Variants in PTPRG observed in about 807,000 individuals in gnomAD.
PTPRG encodes protein tyrosine phosphatase receptor type G.
PTPRG carries 102 observed loss-of-function variants against 165.3 expected under a neutral mutation model. The ratio of observed to expected loss-of-function variants is 0.62; its 90% CI spans 0.53 to 0.73. PTPRG has a LOEUF of 0.73. Among genes scored for constraint, PTPRG ranks in the 30% least tolerant of loss-of-function variants. The probability of loss-of-function intolerance (pLI) is 0.00; values close to 1 mark genes in which losing one functional copy is unlikely to be tolerated. For missense variants in PTPRG, 1,866 were observed against 1,861.4 expected (o/e 1.00, Z -0.05); for synonymous variants, 675 against 669.5 (o/e 1.01, Z -0.13).
rs190635079 is a variant in PTPRG at position 62,022,277 on chromosome 3, A to C, written c.519+18780A>C. ...GAACCCACTATTATTTGTCTTAACT[A>C]ATTTCAACATGTGAGAAGTCTTCCA... On this transcript the variant is annotated intron_variant, in intron 4 of 29. Coordinates refer to ENST00000474889, the MANE Select transcript of PTPRG (RefSeq NM_002841.4). Among the ~76,000 whole-genome samples, 249 of 152,340 alleles carry C rather than the reference A, an allele frequency of 1.6e-3. 1 individual carries two copies. Among genetic ancestry groups the C allele is most frequent in the Non-Finnish European group, 2.6e-3 (179 of 68,034 alleles).
At chr3:61,948,668 G>A (rs954382912) in intron 2 of PTPRG, among the ~76,000 whole-genome samples, 1 of 152,130 alleles carries the variant, frequency 6.6e-6, no homozygotes, top group Admixed American at 6.5e-5. Flanking sequence ...GGGAGGGATG[G>A]AGAGAGGTTT....
intron 4 of PTPRG, among the ~76,000 whole-genome samples, chr3:62,020,009 A>G (rs921942658): frequency 1.3e-5 from 2 of 152,188 alleles, no homozygotes; most frequent in African/African-American, 4.8e-5. Flanking sequence ...CTTGATAGAA[A>G]TAATTTTAGG....
At position 61,974,461 on chromosome 3, in the gene PTPRG, G is replaced by A. The variant is rs140952149; in HGVS notation, c.191-15164G>A. Among the ~76,000 whole-genome samples, 545 of 152,130 alleles carry A rather than the reference G, an allele frequency of 3.6e-3. 2 individuals carry two copies. Among genetic ancestry groups the A allele is most frequent in the African/African-American group, 0.013 (524 of 41,514 alleles). On this transcript the variant is annotated intron_variant, in intron 2 of 29. Coordinates refer to ENST00000474889, the MANE Select transcript of PTPRG (RefSeq NM_002841.4). ...CCAGCTACTCGGGAGGCTGAGGCAG[G>A]AGAATCACTGGAACCCAGAAGGCAG...
intron 1 of PTPRG, among the ~76,000 whole-genome samples, chr3:61,670,734 G>T (rs1053411354): frequency 2.6e-5 from 4 of 152,172 alleles, no homozygotes; most frequent in African/African-American, 9.7e-5. Context: ...TAGACTGGGC[G>T]CGAGTTTTCA....
At position 61,780,587 on chromosome 3, in the gene PTPRG, G is replaced by T. The variant is rs555937882; in HGVS notation, c.190+31605G>T. Among the ~76,000 whole-genome samples, 18 of 152,260 alleles carry T rather than the reference G, an allele frequency of 1.2e-4. 1 individual carries two copies. In the South Asian group the frequency reaches 3.7e-3, roughly 32 times the overall value. On this transcript the variant is annotated intron_variant, in intron 2 of 29. Coordinates refer to ENST00000474889, the MANE Select transcript of PTPRG (RefSeq NM_002841.4). Reference sequence around the variant, plus strand: ...AGTGCACACATTCTGAATTGAAACAGTAAAGTCAGGCAGTTGGGCAACAGG... The same window carrying T: ...AGTGCACACATTCTGAATTGAAACATTAAAGTCAGGCAGTTGGGCAACAGG...
chr3:61,812,166 A>C (rs1366141773), intron 2 of PTPRG, among the ~76,000 whole-genome samples: 1 of 152,076 alleles, frequency 6.6e-6, no homozygotes, highest in East Asian at 1.9e-4. Context: ...GCAAATAACA[A>C]GTTTTCTGGC....
rs918773685 is a variant in PTPRG, at chr3:62,214,706, C to T, written c.2156-4145C>T. Among the ~76,000 whole-genome samples the T allele has an allele frequency of 5.9e-5, 9 of 152,294 alleles. No individual in the cohort carries two copies. The highest frequency in any genetic ancestry group is 1.9e-4 in the African/African-American group (8 of 41,576). On this transcript the variant is annotated intron_variant, in intron 12 of 29. Transcript: ENST00000474889. The surrounding 1 kb of genome is among the most constrained non-coding windows in gnomAD (Gnocchi z 5.2). ...TGTCATTTGCTTGATGCCAGGCACACTTCTAGGTGCTTACATGCACCTTCT... is the reference window on the plus strand; with the variant it reads ...TGTCATTTGCTTGATGCCAGGCACATTTCTAGGTGCTTACATGCACCTTCT...
intron 5 of PTPRG, among the ~76,000 whole-genome samples, chr3:62,131,724 C>G (rs1703521651): frequency 6.6e-6 from 1 of 151,844 alleles, no homozygotes; most frequent in Non-Finnish European, 1.5e-5. Flanking sequence ...GTATAATGAC[C>G]CATCCTATAC....
chr3:61,684,683 A>G (rs1703564510), intron 1 of PTPRG, among the ~76,000 whole-genome samples: 1 of 152,236 alleles, frequency 6.6e-6, no homozygotes, highest in Non-Finnish European at 1.5e-5. Flanking sequence ...TTGGGAGCCA[A>G]AACTGGACCA....
chr3:62,068,703 AG>A (rs1325856421), intron 4 of PTPRG, among the ~76,000 whole-genome samples: 2 of 152,150 alleles, frequency 1.3e-5, no homozygotes, highest in East Asian at 3.9e-4. Flanking sequence ...TATGTTTCTC[AG>A]GCTGGTCTCA....
At chr3:61,782,089 T>C (rs1321754021) in intron 2 of PTPRG, among the ~76,000 whole-genome samples, 1 of 152,142 alleles carries the variant, frequency 6.6e-6, no homozygotes, top group African/African-American at 2.4e-5. Context: ...AATCCCCAGA[T>C]CTAAGTGGAG....
chr3:62,040,090 G>C (rs898200580), intron 4 of PTPRG, among the ~76,000 whole-genome samples: 43 of 152,166 alleles, frequency 2.8e-4, no homozygotes, highest in African/African-American at 1.0e-3. Context: ...TGCTTTTATA[G>C]CTGCGTCCTG....
intron 1 of PTPRG, among the ~76,000 whole-genome samples, chr3:61,704,453 T>C (rs1362066410): frequency 3.3e-5 from 5 of 152,130 alleles, no homozygotes; most frequent in African/African-American, 1.2e-4. Context: ...TGGATGACCC[T>C]CTTCTTTGAA....
intron 1 of PTPRG, among the ~76,000 whole-genome samples, chr3:61,669,191 TA>T (rs1047237168): frequency 2.6e-5 from 4 of 152,154 alleles, no homozygotes; most frequent in Non-Finnish European, 5.9e-5. Context: ...TGTAGTTAAA[TA>T]AAAAGTATGA....
intron 1 of PTPRG, among the ~76,000 whole-genome samples, chr3:61,638,904 G>A (rs530532819): frequency 6.6e-6 from 1 of 152,172 alleles, no homozygotes; most frequent in East Asian, 1.9e-4. Flanking sequence ...GCTGTGCAGA[G>A]CCCTTTAGTT....
rs567221910 is a variant in PTPRG at position 61,838,457 on chromosome 3, T to G, written c.190+89475T>G. On this transcript the variant is annotated intron_variant, in intron 2 of 29. Coordinates refer to ENST00000474889, the MANE Select transcript of PTPRG (RefSeq NM_002841.4). ...CTGAAGTTTCATCATACCTTCAAGTTTTTCATGTGTGTGAATGGACAGAGT... is the reference window on the plus strand; with the variant it reads ...CTGAAGTTTCATCATACCTTCAAGTGTTTCATGTGTGTGAATGGACAGAGT... Among the ~76,000 whole-genome samples the G allele has an allele frequency of 3.3e-5, 5 of 152,298 alleles. No individual in the cohort carries two copies. The South Asian group carries it at 8.3e-4, about 25-fold the overall frequency.
intron 14 of PTPRG, among the ~76,000 whole-genome samples, chr3:62,234,718 A>C (rs944402882): frequency 1.6e-4 from 25 of 152,176 alleles, no homozygotes; most frequent in Admixed American, 1.6e-3. Flanking sequence ...TTCCCAATTC[A>C]TAGTTTACTT....
intron 5 of PTPRG, among the ~76,000 whole-genome samples, chr3:62,082,949 T>G (rs920458815): frequency 6.6e-6 from 1 of 152,190 alleles, no homozygotes; most frequent in Admixed American, 6.5e-5. Context: ...CAGATCACCT[T>G]TGGGTTTGTT....
chr3:61,703,918 T>C (rs1036030188), intron 1 of PTPRG, among the ~76,000 whole-genome samples: 1 of 152,346 alleles, frequency 6.6e-6, no homozygotes, highest in South Asian at 2.1e-4. Flanking sequence ...CTCCATGGTC[T>C]ACCTGCAACA....
Sources: allele counts gnomAD v4.1 joint callset (sites outside exome capture counted in the v4.1 genomes callset), GRCh38; gene constraint gnomAD v4.1.1; non-coding constraint Gnocchi (gnomAD v3.1); transcripts MANE v1.5; gene names NCBI Gene and HGNC (gene_info 2026-07-23, HGNC 2026-07-21).